Variants in LRRC66 observed in about 807,000 individuals in gnomAD.
LRRC66 encodes leucine rich repeat containing 66, also known as leucine-rich repeat-containing protein 66.
In LRRC66, 29 loss-of-function variants were observed where a neutral mutation model predicts 24.6. The ratio of observed to expected loss-of-function variants is 1.18; its 90% CI spans 0.88 to 1.61. The LOEUF (loss-of-function observed/expected upper bound fraction) is 1.61. Among genes scored for constraint, LRRC66 ranks in the 40% most tolerant of loss-of-function variants. The pLI, the probability that LRRC66 is intolerant of heterozygous loss-of-function variation, is 0.00. For synonymous variants in LRRC66, 411 were observed against 397.6 expected (o/e 1.03, Z -0.40); for missense variants, 1,124 against 1,058.0 (o/e 1.06, Z -0.87).
At chr4:52,010,764 CAT>C (rs1162612235) in intron 2 of LRRC66, among the ~76,000 whole-genome samples, 1 of 152,140 alleles carries the variant, frequency 6.6e-6, no homozygotes, top group African/African-American at 2.4e-5. Context: ...CTGTGATGAA[CAT>C]ATGAGTGCAT....
rs373035303 is a variant in LRRC66 at position 51,995,349 on chromosome 4, A to G, written c.1673T>C (p.Val558Ala). 1.5e-5 allele frequency: 24 copies of G among 1,614,052 alleles called. No homozygotes were observed. The African/African-American group carries it at 2.0e-4, about 13-fold the overall frequency. Residue 558 changes from valine (V) to alanine (A), a missense_variant, in exon 5 of 5, where the codon GTA (valine) becomes GCA (alanine). Physicochemically the swap from Val to Ala is moderately conservative, Grantham distance 64. Coordinates refer to ENST00000682860, the MANE Select transcript of LRRC66 (RefSeq NM_001024611.3). ...AGAGACAGCGTGAGACGTGCCAGCT[A>G]CAGAAGAGACGCCCACTGAATGTGC... The part of the protein sequence containing the change: ...LSAHSVGVSS[V>A]AGTSHAVSGS...
chr4:52,011,683 G>A (rs1030559502), intron 2 of LRRC66, among the ~76,000 whole-genome samples: 2 of 152,176 alleles, frequency 1.3e-5, no homozygotes, highest in African/African-American at 2.4e-5. Flanking sequence ...AACACCTGCT[G>A]TGTGCCAGGC....
chr4:52,008,433 T>C (rs1249906656), intron 2 of LRRC66, among the ~76,000 whole-genome samples: 1 of 151,918 alleles, frequency 6.6e-6, no homozygotes, highest in South Asian at 2.1e-4. Context: ...AAGATTGGTG[T>C]AGTTGCACAC....
chr4:51,995,695 GCA>G lies in LRRC66; in HGVS notation c.1325_1326del (p.Leu442ProfsTer30). The G allele has an allele frequency of 6.2e-7, 1 of 1,614,116 alleles. No individual in the cohort carries two copies. Among genetic ancestry groups the G allele is most frequent in the Non-Finnish European group, 8.5e-7 (1 of 1,180,024 alleles). On this transcript the variant is annotated frameshift_variant, in exon 5 of 5. Transcript: ENST00000682860. LOFTEE classifies it low-confidence loss of function (END_TRUNC). ...AGHTPHPETH[L>X]RQVFPHLSLY... ...AGGCTTAGATGAGGAAATACTTGGC[GCA>G]GATGGGTCTCTGGGTGTGGTGTGTG...
chr4:52,009,361 T>C (rs1736650284), intron 2 of LRRC66, among the ~76,000 whole-genome samples: 1 of 152,002 alleles, frequency 6.6e-6, no homozygotes, highest in African/African-American at 2.4e-5. Context: ...TGAATGAAAT[T>C]GTAAGTAAGC....
In LRRC66 at chr4:51,995,671, G is replaced by C. The variant is rs767093126; in HGVS notation, c.1351C>G (p.Leu451Val). 24 of 1,614,022 alleles carry C rather than the reference G, an allele frequency of 1.5e-5. No individual in the cohort carries two copies. The highest frequency in any genetic ancestry group is 1.9e-5 in the Non-Finnish European group (23 of 1,180,032). ...HLRQVFPHLS[L>V]YENQTPFWVT... ...CAGAAAGGGGTCTGGTTCTCGTAGA[G>C]GCTTAGATGAGGAAATACTTGGCGC... Residue 451 changes from leucine to valine, a missense_variant, in exon 5 of 5, where the codon CTC becomes GTC. Coordinates refer to ENST00000682860, the MANE Select transcript of LRRC66 (RefSeq NM_001024611.3).
intron 1 of LRRC66, among the ~76,000 whole-genome samples, chr4:52,019,830 A>G (rs1338064572): frequency 2.0e-5 from 3 of 152,184 alleles, no homozygotes; most frequent in Non-Finnish European, 4.4e-5. Context: ...CTTTTTCTTA[A>G]GGGGACATGA....
intron 1 of LRRC66, among the ~76,000 whole-genome samples, chr4:52,019,674 T>A (rs973744352): frequency 2.0e-5 from 3 of 152,196 alleles, no homozygotes; most frequent in African/African-American, 7.2e-5. Flanking sequence ...GGAACAAAGA[T>A]ATTTTTTCTA....
intron 1 of LRRC66, 86 bp from the exon 2 acceptor site, chr4:52,017,704 G>A (rs1578120146): frequency 7.2e-7 from 1 of 1,397,692 alleles, no homozygotes; most frequent in East Asian, 2.5e-5. Flanking sequence ...TTCAATTTAA[G>A]ATTTCGGAAA....
At chr4:52,011,487 G>C (rs576670328) in intron 2 of LRRC66, among the ~76,000 whole-genome samples, 19 of 152,280 alleles carry the variant, frequency 1.2e-4, no homozygotes, top group Admixed American at 1.2e-3. Flanking sequence ...ATATAAATAT[G>C]AACAGAGGCA....
intron 2 of LRRC66, among the ~76,000 whole-genome samples, chr4:52,014,471 T>C (rs183789430): frequency 3.8e-4 from 58 of 152,370 alleles, no homozygotes; most frequent in Non-Finnish European, 2.1e-4. Flanking sequence ...GATACATTTT[T>C]TCATTTTATC....
Position 52,017,638 on chromosome 4 carries a change from T to C in LRRC66, c.-5-20A>G, listed in dbSNP as rs1194269021. The C allele has an allele frequency of 2.0e-6, 3 of 1,517,846 alleles. No individual in the cohort carries two copies. Among genetic ancestry groups the C allele is most frequent in the Non-Finnish European group, 2.6e-6 (3 of 1,144,792 alleles). 94.0% of individuals were successfully genotyped at this position (1,517,846 alleles called of 1,614,324 possible). ...TAATGCCTGGAAAAAGGAAAATGAA[T>C]TGACTTATTCACAATAATATATAAA... On this transcript the variant is annotated intron_variant, in intron 1 of 4. Coordinates refer to ENST00000682860, the MANE Select transcript of LRRC66 (RefSeq NM_001024611.3).
At chr4:52,016,347 C>A (rs1426548056) in intron 2 of LRRC66, among the ~76,000 whole-genome samples, 2 of 152,034 alleles carry the variant, frequency 1.3e-5, no homozygotes. Flanking sequence ...TGAATAATGT[C>A]TTATATAAAG....
chr4:51,996,258 AT>A lies in LRRC66; in HGVS notation c.857-94del, dbSNP rs1309029135. ...TTTTTACAGAATTGAAAAAAATTCA[AT>A]TTTTTTGAATTTTGAATTCCAGGCA... On this transcript the variant is annotated intron_variant, in intron 4 of 4. Coordinates refer to ENST00000682860, the MANE Select transcript of LRRC66 (RefSeq NM_001024611.3). The A allele has an allele frequency of 5.5e-6, 7 of 1,268,886 alleles. No individual in the cohort carries two copies. The East Asian group carries it at 1.5e-4, about 28-fold the overall frequency. 78.6% of individuals were successfully genotyped at this position (1,268,886 alleles called of 1,614,324 possible).
At chr4:52,018,543 C>T (rs1178834739) in intron 1 of LRRC66, 1 of 985,328 alleles carries the variant, frequency 1.0e-6, no homozygotes, top group South Asian at 4.7e-5. Flanking sequence ...GTCTGAAATA[C>T]TAAAATGGCT....
chr4:52,005,095 T>C (rs1578114961), intron 2 of LRRC66, among the ~76,000 whole-genome samples: 1 of 152,336 alleles, frequency 6.6e-6, no homozygotes, highest in Middle Eastern at 3.4e-3. Context: ...CAGTGTTTGA[T>C]AGAATATAGT....
Position 51,994,904 on chromosome 4 carries a change from A to C in LRRC66, c.2118T>G (p.Asp706Glu). The change falls in exon 5 of 5, where the codon GAT becomes GAG. Residue 706 changes from aspartate to glutamate, a missense_variant. Physicochemically the swap from Asp to Glu is conservative, Grantham distance 45 (BLOSUM62 2). Transcript: ENST00000682860. The stretch of plus-strand genomic sequence containing the variant: ...AGCTCAGAGTGAACAGAGACCCCTC[A>C]TCAGAGTCACAGTCACTCTCCAACT... ...CCELESDCDS[D>E]EGSLFTLSSI... The C allele has an allele frequency of 6.2e-7, 1 of 1,614,174 alleles. No homozygotes were observed. The highest frequency in any genetic ancestry group is 8.5e-7 in the Non-Finnish European group (1 of 1,180,042).
intron 2 of LRRC66, among the ~76,000 whole-genome samples, chr4:52,004,967 TAC>T (rs1736540481): frequency 6.6e-6 from 1 of 152,244 alleles, no homozygotes; most frequent in East Asian, 1.9e-4. Flanking sequence ...TTACTAGTTA[TAC>T]AGAGTAGTTC....
chr4:52,003,336 G>C lies in LRRC66; in HGVS notation c.553C>G (p.Gln185Glu), dbSNP rs773117390. The C allele has an allele frequency of 6.2e-7, 1 of 1,613,626 alleles. No homozygotes were observed. The highest frequency in any genetic ancestry group is 8.5e-7 in the Non-Finnish European group (1 of 1,179,720). ...TTGTGAAAATCAGACCACCCTATTTGCAATATCCCATTGAATGACAGATCC... is the reference window on the plus strand; with the variant it reads ...TTGTGAAAATCAGACCACCCTATTTCCAATATCCCATTGAATGACAGATCC... The part of the protein sequence containing the change: ...SLDLSFNGIL[Q>E]IGWSDFHNCL... Residue 185 changes from glutamine (Q) to glutamate (E), a missense_variant, in exon 3 of 5, where the codon CAA (glutamine) becomes GAA (glutamate). By Grantham distance (29) the Gln-to-Glu change is conservative. Coordinates refer to ENST00000682860, the MANE Select transcript of LRRC66 (RefSeq NM_001024611.3).
Sources: gnomAD v4.1 joint callset for allele counts (sites outside exome capture counted in the v4.1 genomes callset) on GRCh38, gnomAD v4.1.1 for gene constraint, MANE v1.5 for transcripts, NCBI Gene and HGNC (gene_info 2026-07-23, HGNC 2026-07-21) for gene names.